The following PDE4A variants were observed in gnomAD, a reference collection of about 807,000 sequenced individuals.
PDE4A encodes the protein 3',5'-cyclic-AMP phosphodiesterase 4A.
A neutral mutation model predicts 73.9 loss-of-function variants in PDE4A; 21 were observed. The ratio of observed to expected loss-of-function variants is 0.28; its 90% CI spans 0.20 to 0.41. The LOEUF is 0.41. Ranked by LOEUF, PDE4A falls within the 10% of genes least tolerant of loss-of-function variation. The pLI, the probability that PDE4A is intolerant of heterozygous loss-of-function variation, is 1.00. For missense variants in PDE4A, 958 were observed against 1,211.4 expected, an observed-to-expected ratio of 0.79 and a Z score of 3.10; for synonymous variants, 463 against 505.4, an observed-to-expected ratio of 0.92 and a Z score of 1.13.
intron 10 of PDE4A, among the ~76,000 whole-genome samples, chr19:10,460,725 G>C (rs911240337): frequency 2.3e-4 from 35 of 150,498 alleles, no homozygotes; most frequent in African/African-American, 7.8e-4. Context: ...TTGAACCCAG[G>C]ATGGGGAAGT....
chr19:10,431,725 G>A (rs2042790946), intron 1 of PDE4A, among the ~76,000 whole-genome samples: 2 of 152,194 alleles, frequency 1.3e-5, no homozygotes, highest in South Asian at 2.1e-4. Flanking sequence ...ACAGACTGAA[G>A]GAGGGCACGG....
chr19:10,438,093 G>A (rs1013720182), intron 1 of PDE4A, among the ~76,000 whole-genome samples: 2 of 150,378 alleles, frequency 1.3e-5, no homozygotes, highest in Non-Finnish European at 2.9e-5. Flanking sequence ...ACAGATGTGA[G>A]CCACTTCACC....
upstream of PDE4A, chr19:10,418,904 G>GC (rs985074064): frequency 1.0e-5 from 10 of 984,456 alleles, no homozygotes; most frequent in African/African-American, 1.8e-4. Context: ...TAATGGGGGG[G>GC]GTGTTCCTGA....
chr19:10,467,099 G>GGAGGAGGAA lies in PDE4A; in HGVS notation c.2151_2159dup (p.Glu718_Glu720dup), dbSNP rs748225724. ...ACAAGTTCCAGTTTGAGCTGACGCT[G>GGAGGAGGAA]GAGGAGGAAGAGGAGGAAGAAATAT... is the stretch of plus-strand genomic sequence containing the variant. On this transcript the variant is annotated inframe_insertion, in exon 15 of 15. Transcript: ENST00000380702. The GGAGGAGGAA allele has an allele frequency of 1.9e-6, 3 of 1,614,154 alleles. No homozygotes were observed. The highest frequency in any genetic ancestry group is 2.5e-6 in the Non-Finnish European group (3 of 1,180,040).
chr19:10,446,485 C>T lies in PDE4A; in HGVS notation c.512+76C>T, dbSNP rs867341144. ...GAAGCTGCCCTTCCCAGCAGGGAGT[C>T]GGGGGGCACCCACCCCTATCCTCCT... On this transcript the variant is annotated intron_variant, in intron 2 of 14. Transcript: ENST00000380702. 22 of 1,523,404 alleles carry T rather than the reference C, an allele frequency of 1.4e-5. 1 individual carries two copies. The Middle Eastern group carries it at 2.8e-3, about 192-fold the overall frequency. The allele number at this position is 1,523,404 out of a possible 1,614,324, so 94.4% of individuals were successfully genotyped here.
intron 6 of PDE4A, among the ~76,000 whole-genome samples, chr19:10,452,130 A>C (rs766428572): frequency 1.3e-5 from 2 of 151,276 alleles, no homozygotes; most frequent in African/African-American, 4.9e-5. Context: ...AGGGCAGTGG[A>C]TATTTGCAAT....
At chr19:10,457,331 AG>A (rs989143049) in intron 7 of PDE4A, among the ~76,000 whole-genome samples, 2 of 151,328 alleles carry the variant, frequency 1.3e-5, no homozygotes, top group African/African-American at 4.9e-5. Context: ...AGCTAGCTCC[AG>A]GTCACAATGG....
intron 1 of PDE4A, chr19:10,431,066 C>A: frequency 1.3e-6 from 2 of 1,569,820 alleles, no homozygotes; most frequent in African/African-American, 2.8e-5. Flanking sequence ...ATTTGGGCCG[C>A]CAGGCTTGGG....
chr19:10,459,474 C>A lies in PDE4A; in HGVS notation c.1176C>A (p.Thr392=), dbSNP rs201557497. The A allele has an allele frequency of 9.9e-6, 16 of 1,613,982 alleles. No individual in the cohort carries two copies. The highest frequency in any genetic ancestry group is 1.3e-5 in the African/African-American group (1 of 74,922). Residue 392 remains threonine (T), a synonymous_variant, in exon 9 of 15, where the codon ACC becomes ACA. Transcript: ENST00000380702. ...VSDYAGGRSL[T]CIMYMIFQER... Reference sequence around the variant, plus strand: ...ATTACGCTGGAGGCCGCTCACTCACCTGCATCATGTACATGATATTCCAGG... The same window carrying A: ...ATTACGCTGGAGGCCGCTCACTCACATGCATCATGTACATGATATTCCAGG...
intron 1 of PDE4A, among the ~76,000 whole-genome samples, chr19:10,435,872 C>T (rs1233273023): frequency 6.6e-6 from 1 of 152,118 alleles, no homozygotes; most frequent in Non-Finnish European, 1.5e-5. Flanking sequence ...CTCCCCTATC[C>T]CCACCAGCTC....
intron 1 of PDE4A, among the ~76,000 whole-genome samples, chr19:10,425,557 G>A (rs567093614): frequency 6.6e-6 from 1 of 152,356 alleles, no homozygotes; most frequent in African/African-American, 2.4e-5. Flanking sequence ...ATATTTCATT[G>A]GTAACAGATT....
At chr19:10,452,866 C>G in intron 6 of PDE4A, 2 of 248,634 alleles carry the variant, frequency 8.0e-6, no homozygotes, top group Non-Finnish European at 1.3e-5. Context: ...CCCTTTAATA[C>G]CCCCCCACCC....
upstream of PDE4A, chr19:10,417,632 G>T (rs936001335): frequency 3.8e-6 from 6 of 1,564,634 alleles, no homozygotes; most frequent in Admixed American, 3.6e-5. Flanking sequence ...GCCAGGCCAC[G>T]CCCCTATTCC....
upstream of PDE4A, chr19:10,416,940 G>A (rs372694906): frequency 4.4e-4 from 679 of 1,542,564 alleles, no homozygotes; most frequent in Non-Finnish European, 4.1e-4. Context: ...CTAGGTTGGC[G>A]AGATGAAGAG....
At chr19:10,423,688 T>C (rs1287848229) in intron 1 of PDE4A, among the ~76,000 whole-genome samples, 2 of 152,132 alleles carry the variant, frequency 1.3e-5, no homozygotes, top group African/African-American at 2.4e-5. Context: ...ACATAATCAG[T>C]AGATCTCCAT....
chr19:10,441,296 T>C (rs1161482425), intron 1 of PDE4A, among the ~76,000 whole-genome samples: 1 of 152,152 alleles, frequency 6.6e-6, no homozygotes, highest in East Asian at 1.9e-4. Flanking sequence ...GCCCGGCTAA[T>C]TTTTGTATTT....
chr19:10,467,105 G>C lies in PDE4A; in HGVS notation c.2145G>C (p.Glu715Asp). 6.2e-7 allele frequency: 1 copy of C among 1,614,170 alleles called. No homozygotes were observed. The highest frequency in any genetic ancestry group is 8.5e-7 in the Non-Finnish European group (1 of 1,180,032). ...DKFQFELTLEEEEEEEISMAQ... is the reference protein window; with the variant it reads ...DKFQFELTLEDEEEEEISMAQ... ...TCCAGTTTGAGCTGACGCTGGAGGA[G>C]GAAGAGGAGGAAGAAATATCAATGG... The change falls in exon 15 of 15, where the codon GAG becomes GAC. Residue 715 changes from glutamate (E) to aspartate (D), a missense_variant. Physicochemically the swap from Glu to Asp is conservative, Grantham distance 45 (BLOSUM62 2). Coordinates refer to ENST00000380702, the MANE Select transcript of PDE4A (RefSeq NM_001111307.2).
At position 10,453,175 on chromosome 19, in the gene PDE4A, C is replaced by G; in HGVS notation, c.784-1654C>G. ...CTCCCCCTTCCACTACCCACCTGCC[C>G]GGCACCCCCTCCCCAGTGGTTGTTA... On this transcript the variant is annotated intron_variant, in intron 6 of 14. Coordinates refer to ENST00000380702, the MANE Select transcript of PDE4A (RefSeq NM_001111307.2). This position sits in a 1 kb window ranked among gnomAD's most constrained non-coding sequence, Gnocchi z 4.6. 1 of 1,477,582 alleles carries G rather than the reference C, an allele frequency of 6.8e-7. No homozygotes were observed. The highest frequency in any genetic ancestry group is 9.0e-7 in the Non-Finnish European group (1 of 1,110,690). 91.5% of individuals were successfully genotyped at this position (1,477,582 alleles called of 1,614,324 possible).
At position 10,440,008 on chromosome 19, in the gene PDE4A, G is replaced by A. The variant is rs898561597; in HGVS notation, c.321-6210G>A. ...TTTTTTTTTTTTTTTTTTTTGAGAC[G>A]GAGTCTTGCTTTGTCACCCAGGCTG... On this transcript the variant is annotated intron_variant, in intron 1 of 14. Coordinates refer to ENST00000380702, the MANE Select transcript of PDE4A (RefSeq NM_001111307.2). 2.8e-3 allele frequency among the ~76,000 whole-genome samples: 318 copies of A among 112,930 alleles called. 4 individuals are homozygous for A. Among genetic ancestry groups the A allele is most frequent in the East Asian group, 1.5e-3 (4 of 2,640 alleles). The allele number at this position is 112,930 out of a possible 152,430, so 74.1% of individuals were successfully genotyped here.
Sources: gnomAD v4.1 joint callset for allele counts (sites outside exome capture counted in the v4.1 genomes callset) on GRCh38, gnomAD v4.1.1 for gene constraint, Gnocchi (gnomAD v3.1) non-coding constraint, MANE v1.5 for transcripts, NCBI Gene and HGNC (gene_info 2026-07-23, HGNC 2026-07-21) for gene names.